The following DAB1 variants were observed in gnomAD, a reference collection of about 807,000 sequenced individuals.
DAB1 encodes disabled homolog 1.
DAB1 carries 15 observed loss-of-function variants against 64.6 expected under a neutral mutation model. The observed-to-expected ratio is 0.23, with a 90% CI of 0.16 to 0.36. The LOEUF (loss-of-function observed/expected upper bound fraction) is 0.36, where lower values mean the gene tolerates loss of function less well. Ranked by LOEUF, DAB1 falls within the 10% of genes least tolerant of loss-of-function variation. The pLI is 1.00. For missense variants in DAB1, 596 were observed against 706.7 expected (o/e 0.84, Z 1.78); for synonymous variants, 235 against 251.9 (o/e 0.93, Z 0.64).
chr1:58,393,475 A>G (rs1489400311), intron 3 of DAB1, among the ~76,000 whole-genome samples: 1 of 152,234 alleles, frequency 6.6e-6, no homozygotes, highest in East Asian at 1.9e-4. Context: ...AGACACATTT[A>G]TAACACCGTT....
intron 2 of DAB1, among the ~76,000 whole-genome samples, chr1:57,279,913 C>T (rs1250246636): frequency 6.6e-6 from 1 of 152,166 alleles, no homozygotes; most frequent in Non-Finnish European, 1.5e-5. Flanking sequence ...ATCATCATTC[C>T]CTCCTCTTGC....
intron 1 of DAB1, among the ~76,000 whole-genome samples, chr1:57,883,234 A>G (rs1398119391): frequency 6.6e-6 from 1 of 152,172 alleles, no homozygotes; most frequent in East Asian, 1.9e-4. Context: ...TTGCCACAAG[A>G]TATTATGGGG....
At chr1:57,712,025 C>A (rs1647034560) in intron 6 of DAB1, among the ~76,000 whole-genome samples, 1 of 151,998 alleles carries the variant, frequency 6.6e-6, no homozygotes, top group South Asian at 2.1e-4. Context: ...ATTTTAATAG[C>A]CACCATACTA....
chr1:58,135,122 T>G (rs549563178), intron 5 of DAB1, among the ~76,000 whole-genome samples: 1 of 152,308 alleles, frequency 6.6e-6, no homozygotes, highest in East Asian at 1.9e-4. Flanking sequence ...CTGAAGGGGC[T>G]GTTGTAAATC....
chr1:57,681,524 G>A (rs991846336), intron 6 of DAB1, among the ~76,000 whole-genome samples: 1 of 152,090 alleles, frequency 6.6e-6, no homozygotes, highest in South Asian at 2.1e-4. Context: ...GTAACCATGG[G>A]TCTTTAAATA....
intron 7 of DAB1, among the ~76,000 whole-genome samples, chr1:57,465,407 T>G (rs548529559): frequency 6.6e-6 from 1 of 152,344 alleles, no homozygotes; most frequent in Non-Finnish European, 1.5e-5. Context: ...GCACATACAA[T>G]GTGCCCAGTG....
intron 5 of DAB1, among the ~76,000 whole-genome samples, chr1:58,065,772 T>A (rs1485469991): frequency 1.3e-5 from 2 of 152,072 alleles, no homozygotes; most frequent in South Asian, 2.1e-4. Flanking sequence ...CAGAGGGAGA[T>A]GTCGAGCTGC....
At chr1:57,553,510 G>GGAAGAA (rs1318877570) in intron 7 of DAB1, among the ~76,000 whole-genome samples, 2 of 40,290 alleles carry the variant, frequency 5.0e-5, no homozygotes, top group South Asian at 1.2e-3. Flanking sequence ...GGAAGGAAGA[G>GGAAGAA]AGAGAGAGAA....
At chr1:57,102,220 G>GTC (rs953890271) in intron 4 of DAB1, among the ~76,000 whole-genome samples, 1 of 151,358 alleles carries the variant, frequency 6.6e-6, no homozygotes, top group East Asian at 1.9e-4. Context: ...CTCTGTCTCA[G>GTC]TCTCTCTCTC....
At chr1:57,568,505 G>T in intron 7 of DAB1, among the ~76,000 whole-genome samples, 1 of 152,132 alleles carries the variant, frequency 6.6e-6, no homozygotes, top group Non-Finnish European at 1.5e-5. Context: ...CAGAACGGGA[G>T]AAAATTTTTG....
At position 58,321,347 on chromosome 1, in the gene DAB1, C is replaced by T. The variant is rs565796188; in HGVS notation, n.309+22005G>A. ...AGTCTGCAGCTCCCAAGGTGATCGA[C>T]GCAGAAGATGGTGATTTCTGCATTT... On this transcript the variant is annotated intron_variant and non_coding_transcript_variant, in intron 4 of 20. Transcript: ENST00000485760. Among the ~76,000 whole-genome samples the T allele has an allele frequency of 1.6e-3, 242 of 152,302 alleles. 1 individual carries two copies. The highest frequency in any genetic ancestry group is 6.8e-3 in the Middle Eastern group (2 of 294).
chr1:58,040,997 C>A (rs191502130), intron 5 of DAB1, among the ~76,000 whole-genome samples: 1 of 152,298 alleles, frequency 6.6e-6, no homozygotes, highest in East Asian at 1.9e-4. Context: ...TGCATCACCC[C>A]CTGGATACAT....
At chr1:57,028,801 A>G (rs904459918) in intron 9 of DAB1, among the ~76,000 whole-genome samples, 1 of 152,180 alleles carries the variant, frequency 6.6e-6, no homozygotes, top group Non-Finnish European at 1.5e-5. Context: ...GGTATCTGGC[A>G]GAAGAAATTT....
chr1:58,432,159 C>A (rs1644884522), intron 3 of DAB1, among the ~76,000 whole-genome samples: 1 of 152,186 alleles, frequency 6.6e-6, no homozygotes, highest in South Asian at 2.1e-4. Flanking sequence ...GCTCTCCATG[C>A]CCATCCTTTG....
intron 2 of DAB1, among the ~76,000 whole-genome samples, chr1:57,222,990 A>C (rs1666995899): frequency 6.6e-6 from 1 of 152,162 alleles, no homozygotes. Flanking sequence ...TCATTAGGGC[A>C]CCTTGCCTGG....
At position 57,972,243 on chromosome 1, in the gene DAB1, T is replaced by C. The variant is rs186295964; in HGVS notation, n.388-88081A>G. On this transcript the variant is annotated intron_variant and non_coding_transcript_variant, in intron 5 of 20. Transcript: ENST00000485760. ...ATTAAAATTTATTTTATTTTAATAT[T>C]TTTATTTTTTAGAGACAGGGTTTCA... Among the ~76,000 whole-genome samples the C allele has an allele frequency of 3.4e-3, 518 of 152,230 alleles. 4 individuals are homozygous for C. Among genetic ancestry groups the C allele is most frequent in the African/African-American group, 0.012 (503 of 41,544 alleles).
intron 3 of DAB1, among the ~76,000 whole-genome samples, chr1:58,455,544 T>C (rs980005761): frequency 6.6e-6 from 1 of 152,236 alleles, no homozygotes; most frequent in African/African-American, 2.4e-5. Flanking sequence ...AGTAAACACC[T>C]ACTGAATTAT....
intron 2 of DAB1, among the ~76,000 whole-genome samples, chr1:57,150,552 T>C (rs1553149050): frequency 6.6e-6 from 1 of 152,182 alleles, no homozygotes; most frequent in African/African-American, 2.4e-5. Context: ...AAAGGCGTCA[T>C]ATACAATTTC....
At chr1:58,340,944 C>G (rs1418247140) in intron 4 of DAB1, among the ~76,000 whole-genome samples, 1 of 152,136 alleles carries the variant, frequency 6.6e-6, no homozygotes, top group Non-Finnish European at 1.5e-5. Flanking sequence ...CAATGTTTTT[C>G]CAGACGGCAG....
Sources: gnomAD v4.1 joint callset for allele counts (sites outside exome capture counted in the v4.1 genomes callset) on GRCh38, gnomAD v4.1.1 for gene constraint, MANE v1.5 for transcripts, NCBI Gene and HGNC (gene_info 2026-07-23, HGNC 2026-07-21) for gene names.